PARD3: variants seen among roughly 807,000 people sequenced by gnomAD.
PARD3 encodes the protein partitioning defective 3 homolog.
In PARD3, 75 loss-of-function variants were observed where a neutral mutation model predicts 155.4. The ratio of observed to expected loss-of-function variants is 0.48; its 90% CI spans 0.40 to 0.58. PARD3 has a LOEUF of 0.58. Among genes scored for constraint, PARD3 ranks in the 20% least tolerant of loss-of-function variants. PARD3 has a pLI of 0.00. For missense variants in PARD3, 1,642 were observed against 1,721.7 expected (o/e 0.95, Z 0.82); for synonymous variants, 576 against 610.5 (o/e 0.94, Z 0.83).
At chr10:34,534,603 C>CT (rs2083091364) in intron 2 of PARD3, among the ~76,000 whole-genome samples, 1 of 152,150 alleles carries the variant, frequency 6.6e-6, no homozygotes, top group African/African-American at 2.4e-5. Context: ...GCAAATGTGC[C>CT]TGTATATGCA....
chr10:34,548,953 C>T (rs971463564), intron 2 of PARD3, among the ~76,000 whole-genome samples: 4 of 152,198 alleles, frequency 2.6e-5, no homozygotes, highest in Non-Finnish European at 5.9e-5. Flanking sequence ...CAGCCAGGTC[C>T]AAACAAATCA....
intron 14 of PARD3, among the ~76,000 whole-genome samples, chr10:34,348,710 A>G (rs2384214): frequency 0.27 from 41,516 of 152,080 alleles, 6,411 homozygotes; most frequent in South Asian, 0.46. Context: ...TCTTTACTGT[A>G]ATGTTTAAGT....
At chr10:34,325,379 C>T (rs1302565946) in intron 19 of PARD3, among the ~76,000 whole-genome samples, 1 of 152,056 alleles carries the variant, frequency 6.6e-6, no homozygotes, top group Non-Finnish European at 1.5e-5. Flanking sequence ...GAGATGGCTC[C>T]CCATTCCCTA....
chr10:34,459,610 TA>T (rs1334800982), intron 4 of PARD3, among the ~76,000 whole-genome samples: 1 of 152,182 alleles, frequency 6.6e-6, no homozygotes, highest in African/African-American at 2.4e-5. Flanking sequence ...AAGGGAGAGA[TA>T]GTAAAATACT....
chr10:34,621,527 G>GT (rs2091678755), intron 2 of PARD3, among the ~76,000 whole-genome samples: 1 of 152,044 alleles, frequency 6.6e-6, no homozygotes, highest in Non-Finnish European at 1.5e-5. Context: ...GGAACATGAC[G>GT]TATTTGTACA....
At chr10:34,271,644 T>C (rs574752156) in intron 21 of PARD3, among the ~76,000 whole-genome samples, 1 of 152,350 alleles carries the variant, frequency 6.6e-6, no homozygotes, top group South Asian at 2.1e-4. Context: ...AGTAAGGATG[T>C]GTGCTCCTAC....
intron 10 of PARD3, among the ~76,000 whole-genome samples, chr10:34,375,804 T>G (rs2134675401): frequency 6.6e-6 from 1 of 152,268 alleles, no homozygotes; most frequent in Non-Finnish European, 1.5e-5. Context: ...GTATCAAAAT[T>G]TTCCTGTAGT....
chr10:34,182,463 T>A (rs181636013), intron 22 of PARD3, among the ~76,000 whole-genome samples: 31 of 152,368 alleles, frequency 2.0e-4, no homozygotes, highest in Admixed American at 1.4e-3. Context: ...TACCATTGAT[T>A]CCTACCACTT....
chr10:34,483,660 C>T (rs948827479), intron 3 of PARD3, among the ~76,000 whole-genome samples: 25 of 152,120 alleles, frequency 1.6e-4, no homozygotes, highest in African/African-American at 5.1e-4. Context: ...GGGGATAGAA[C>T]GTATCTTTCT....
intron 22 of PARD3, among the ~76,000 whole-genome samples, chr10:34,150,188 T>C (rs1054909364): frequency 2.6e-5 from 4 of 152,180 alleles, no homozygotes; most frequent in Non-Finnish European, 5.9e-5. Context: ...AGTAAACATC[T>C]AATCCAGTGC....
In PARD3 at chr10:34,345,132, A is replaced by G. The variant is rs911833700; in HGVS notation, c.2218+2833T>C. ...ATTCCCCAGAGAGGGCTATTTTTAGAAAAAGGAAATAGCCAAAAACAAAGT... is the reference window on the plus strand; with the variant it reads ...ATTCCCCAGAGAGGGCTATTTTTAGGAAAAGGAAATAGCCAAAAACAAAGT... On this transcript the variant is annotated intron_variant, in intron 15 of 24. Coordinates refer to ENST00000374788, the MANE Select transcript of PARD3 (RefSeq NM_001184785.2). The G allele has an allele frequency of 3.0e-6, 3 of 985,016 alleles. No homozygotes were observed. The African/African-American group carries it at 5.2e-5, about 17-fold the overall frequency. 61.0% of individuals were successfully genotyped at this position (985,016 alleles called of 1,614,324 possible). A position where few individuals can be genotyped will look rare whatever the true frequency, so the allele number is the denominator to read the frequency against.
At chr10:34,403,505 C>A (rs183780743) in intron 5 of PARD3, among the ~76,000 whole-genome samples, 1 of 152,120 alleles carries the variant, frequency 6.6e-6, no homozygotes, top group South Asian at 2.1e-4. Flanking sequence ...TAGTAAGAGA[C>A]GGCAAAGCAG....
At chr10:34,771,425 G>A (rs1838845872) in intron 1 of PARD3, among the ~76,000 whole-genome samples, 1 of 152,194 alleles carries the variant, frequency 6.6e-6, no homozygotes, top group South Asian at 2.1e-4. Flanking sequence ...TGGCACATGG[G>A]GAGCAAAGAG....
chr10:34,167,030 A>G (rs1364020201), intron 22 of PARD3, among the ~76,000 whole-genome samples: 1 of 152,172 alleles, frequency 6.6e-6, no homozygotes, highest in Non-Finnish European at 1.5e-5. Context: ...GGCAGTAATG[A>G]TGTAAACCTG....
chr10:34,688,773 T>A (rs1239906418), intron 2 of PARD3, among the ~76,000 whole-genome samples: 1 of 152,202 alleles, frequency 6.6e-6, no homozygotes, highest in Non-Finnish European at 1.5e-5. Context: ...TAAAGGATAA[T>A]GAGGAAAATT....
At chr10:34,250,783 A>T (rs1954263508) in intron 22 of PARD3, among the ~76,000 whole-genome samples, 1 of 152,154 alleles carries the variant, frequency 6.6e-6, no homozygotes, top group South Asian at 2.1e-4. Context: ...TAATGATACA[A>T]GGCATTTATA....
chr10:34,689,925 T>C (rs2094020327), intron 2 of PARD3, among the ~76,000 whole-genome samples: 1 of 140,698 alleles, frequency 7.1e-6, no homozygotes, highest in Admixed American at 7.1e-5. Context: ...CCCTCACTGA[T>C]TTTTACATGT....
intron 5 of PARD3, among the ~76,000 whole-genome samples, chr10:34,405,765 C>T (rs1316017517): frequency 1.3e-5 from 2 of 152,162 alleles, no homozygotes; most frequent in East Asian, 3.8e-4. Context: ...AGAGTATCTT[C>T]CTTTTATGTA....
chr10:34,309,547 C>CAAAAAAAAAAAAAAA (rs1323865538), intron 20 of PARD3, among the ~76,000 whole-genome samples: 2 of 46,628 alleles, frequency 4.3e-5, no homozygotes, highest in Admixed American at 6.0e-4. Context: ...GACCCTGTCT[C>CAAAAAAAAAAAAAAA]CAAAAAAAAA....
Sources: gnomAD v4.1 joint callset for allele counts (sites outside exome capture counted in the v4.1 genomes callset) on GRCh38, gnomAD v4.1.1 for gene constraint, MANE v1.5 for transcripts, NCBI Gene and HGNC (gene_info 2026-07-23, HGNC 2026-07-21) for gene names.